Variants in ABHD17B observed in about 807,000 individuals in gnomAD.
ABHD17B encodes the protein alpha/beta hydrolase domain-containing protein 17B.
Under a neutral mutation model 26.2 loss-of-function variants are expected in ABHD17B, and 9 were observed. That is an observed-to-expected ratio of 0.34 (90% confidence interval 0.21 to 0.60). ABHD17B has a LOEUF of 0.60. Among genes scored for constraint, ABHD17B ranks in the 20% least tolerant of loss-of-function variants. ABHD17B has a pLI of 0.80. For missense variants in ABHD17B, 224 were observed against 352.1 expected (o/e 0.64, Z 2.91); for synonymous variants, 127 against 122.3 (o/e 1.04, Z -0.25).
intron 1 of ABHD17B, among the ~76,000 whole-genome samples, chr9:71,894,835 A>T (rs1276218813): frequency 6.6e-6 from 1 of 152,170 alleles, no homozygotes; most frequent in Non-Finnish European, 1.5e-5. Flanking sequence ...CCTAAAAAAA[A>T]AAAGTTTCTT....
chr9:71,880,725 A>G (rs905674836), intron 1 of ABHD17B, among the ~76,000 whole-genome samples: 3 of 152,052 alleles, frequency 2.0e-5, no homozygotes, highest in Non-Finnish European at 2.9e-5. Context: ...ACGACTATCT[A>G]GGAATTAATA....
chr9:71,895,638 C>A (rs1254056108), intron 1 of ABHD17B, among the ~76,000 whole-genome samples: 1 of 152,226 alleles, frequency 6.6e-6, no homozygotes, highest in African/African-American at 2.4e-5. Context: ...AAACACCAAT[C>A]TGTCAATGTT....
chr9:71,882,242 C>T (rs775934353), intron 1 of ABHD17B, among the ~76,000 whole-genome samples: 2 of 152,234 alleles, frequency 1.3e-5, no homozygotes, highest in Non-Finnish European at 2.9e-5. Flanking sequence ...CAAAGCAATT[C>T]TACTCTCAAG....
rs186639985 is a variant in ABHD17B, at chr9:71,896,822, C to T, written c.-4+13812G>A. 4.0e-4 allele frequency among the ~76,000 whole-genome samples: 61 copies of T among 151,980 alleles called. 1 individual carries two copies. In the East Asian group the frequency reaches 8.5e-3, roughly 21 times the overall value. On this transcript the variant is annotated intron_variant, in intron 1 of 3. Transcript: ENST00000333421. Reference sequence around the variant, plus strand: ...TGGACATAGAGAAAATTGATTAAACCCCTGTATAGGTTTTCATGTTGTTAC... The same window carrying T: ...TGGACATAGAGAAAATTGATTAAACTCCTGTATAGGTTTTCATGTTGTTAC...
chr9:71,869,854 G>T (rs1237369315), intron 3 of ABHD17B, among the ~76,000 whole-genome samples: 1 of 152,104 alleles, frequency 6.6e-6, no homozygotes, highest in Non-Finnish European at 1.5e-5. Flanking sequence ...ACCACCTGAG[G>T]TGTAAGGCCC....
chr9:71,904,193 T>A (rs541073697), intron 1 of ABHD17B, among the ~76,000 whole-genome samples: 1 of 152,200 alleles, frequency 6.6e-6, no homozygotes, highest in Non-Finnish European at 1.5e-5. Flanking sequence ...TTCTAATATA[T>A]TATTTGTTGT....
At chr9:71,870,749 T>C (rs889199735) in intron 2 of ABHD17B, among the ~76,000 whole-genome samples, 16 of 152,160 alleles carry the variant, frequency 1.1e-4, no homozygotes, top group Non-Finnish European at 2.4e-4. Flanking sequence ...TGGTATGAAA[T>C]GAATATATGT....
intron 1 of ABHD17B, among the ~76,000 whole-genome samples, chr9:71,905,611 C>T (rs1189867982): frequency 6.6e-6 from 1 of 152,128 alleles, no homozygotes; most frequent in African/African-American, 2.4e-5. Flanking sequence ...ATCTAGCAAC[C>T]TACTACCAGA....
chr9:71,905,143 G>A (rs1827247872), intron 1 of ABHD17B, among the ~76,000 whole-genome samples: 1 of 150,838 alleles, frequency 6.6e-6, no homozygotes, highest in African/African-American at 2.4e-5. Context: ...TTTTTTTTGA[G>A]ACGGAGTCTC....
chr9:71,869,823 C>T (rs1011557803), intron 3 of ABHD17B, among the ~76,000 whole-genome samples: 4 of 152,136 alleles, frequency 2.6e-5, no homozygotes, highest in African/African-American at 9.7e-5. Flanking sequence ...AATTAATTCC[C>T]TTGTCTCCAA....
chr9:71,910,161 CAG>C (rs758135056), intron 1 of ABHD17B, among the ~76,000 whole-genome samples: 1 of 152,110 alleles, frequency 6.6e-6, no homozygotes, highest in Non-Finnish European at 1.5e-5. Flanking sequence ...TCGCGCCCGA[CAG>C]AGATATAAGG....
At chr9:71,908,271 A>G (rs1285843503) in intron 1 of ABHD17B, among the ~76,000 whole-genome samples, 1 of 152,070 alleles carries the variant, frequency 6.6e-6, no homozygotes, top group African/African-American at 2.4e-5. Context: ...GGGTGCCCGT[A>G]ATCCCAGCTA....
rs879799912 is a variant in ABHD17B at position 71,911,170 on chromosome 9, T to C, written c.-540A>G. 6.6e-6 allele frequency among the ~76,000 whole-genome samples: 1 copy of C among 151,912 alleles called. No homozygotes were observed. The highest frequency in any genetic ancestry group is 1.5e-5 in the Non-Finnish European group (1 of 67,944). ...CGGAGGGGACGAGCACAATCCCCAC[T>C]GAGCCAGGAGTTGGCCACTGACTGG... On this transcript the variant is annotated 5_prime_UTR_variant, in exon 1 of 4. Coordinates refer to ENST00000333421, the MANE Select transcript of ABHD17B (RefSeq NM_001025780.3).
At chr9:71,897,264 G>C (rs977072322) in intron 1 of ABHD17B, among the ~76,000 whole-genome samples, 68 of 152,174 alleles carry the variant, frequency 4.5e-4, no homozygotes, top group Non-Finnish European at 1.6e-4. Context: ...TGCAGGCCAC[G>C]CTCAGTGGCT....
At position 71,866,653 on chromosome 9, in the gene ABHD17B, T is replaced by C; in HGVS notation, c.*134A>G. ...TAATTAAAACCTTCATTAAGTCTGTTAACAAATCATTACCTGTACATTTAT... is the reference window on the plus strand; with the variant it reads ...TAATTAAAACCTTCATTAAGTCTGTCAACAAATCATTACCTGTACATTTAT... On this transcript the variant is annotated 3_prime_UTR_variant, in exon 4 of 4. Transcript: ENST00000333421. The C allele has an allele frequency of 6.9e-7, 1 of 1,456,990 alleles. No individual in the cohort carries two copies. Among genetic ancestry groups the C allele is most frequent in the Admixed American group, 2.7e-5 (1 of 36,862 alleles). The allele number at this position is 1,456,990 out of a possible 1,614,324, so 90.3% of individuals were successfully genotyped here.
At chr9:71,886,486 A>G (rs542889443) in intron 1 of ABHD17B, among the ~76,000 whole-genome samples, 1 of 152,132 alleles carries the variant, frequency 6.6e-6, no homozygotes, top group African/African-American at 2.4e-5. Context: ...ACTTAGTTGT[A>G]ACAATGTTTT....
chr9:71,897,466 T>C (rs938735157), intron 1 of ABHD17B, among the ~76,000 whole-genome samples: 11 of 152,166 alleles, frequency 7.2e-5, no homozygotes, highest in African/African-American at 9.7e-5. Context: ...CAGTGAGCCA[T>C]GATCGTGCCA....
At chr9:71,900,754 C>T (rs183782254) in intron 1 of ABHD17B, among the ~76,000 whole-genome samples, 409 of 152,108 alleles carry the variant, frequency 2.7e-3, no homozygotes, top group Non-Finnish European at 5.0e-3. Context: ...TGATACTATC[C>T]CCCCCTCATC....
At chr9:71,881,427 T>C (rs1336063133) in intron 1 of ABHD17B, among the ~76,000 whole-genome samples, 1 of 152,052 alleles carries the variant, frequency 6.6e-6, no homozygotes, top group Non-Finnish European at 1.5e-5. Context: ...CCTTGGGTTA[T>C]AAAATGTTTC....
Sources: allele counts gnomAD v4.1 joint callset (sites outside exome capture counted in the v4.1 genomes callset), GRCh38; gene constraint gnomAD v4.1.1; transcripts MANE v1.5; gene names NCBI Gene and HGNC (gene_info 2026-07-23, HGNC 2026-07-21).